Variants in SUGCT observed in about 807,000 individuals in gnomAD.
SUGCT encodes the protein succinyl-CoA:glutarate CoA-transferase.
Under a neutral mutation model 55.0 loss-of-function variants are expected in SUGCT, and 41 were observed. The ratio of observed to expected loss-of-function variants is 0.74; its 90% confidence interval spans 0.58 to 0.97. The LOEUF (loss-of-function observed/expected upper bound fraction) is 0.97. Ranked by LOEUF, SUGCT falls within the 50% of genes least tolerant of loss-of-function variation. SUGCT has a pLI of 0.00. For synonymous variants in SUGCT, 187 were observed against 200.4 expected, an observed-to-expected ratio of 0.93 and a Z score of 0.56; for missense variants, 568 against 547.8, an observed-to-expected ratio of 1.04 and a Z score of -0.37.
At chr7:40,432,356 T>G (rs1787935379) in intron 9 of SUGCT, among the ~76,000 whole-genome samples, 1 of 152,166 alleles carries the variant, frequency 6.6e-6, no homozygotes, top group African/African-American at 2.4e-5. Context: ...ATAGAGACTC[T>G]TTTGTACATA....
intron 13 of SUGCT, among the ~76,000 whole-genome samples, chr7:40,772,567 G>A (rs1477236543): frequency 7.8e-5 from 10 of 128,942 alleles, no homozygotes; most frequent in South Asian, 2.4e-4. Flanking sequence ...TCTATCTGGT[G>A]TTATCTATCT....
chr7:40,819,416 C>G (rs568281470), intron 13 of SUGCT, among the ~76,000 whole-genome samples: 1 of 152,102 alleles, frequency 6.6e-6, no homozygotes, highest in African/African-American at 2.4e-5. Context: ...CTCTCCAGCA[C>G]CTGTTGTTTC....
At chr7:40,673,052 A>T (rs1013194995) in intron 12 of SUGCT, among the ~76,000 whole-genome samples, 3 of 152,162 alleles carry the variant, frequency 2.0e-5, no homozygotes, top group Admixed American at 2.0e-4. Context: ...ATTTACTTTT[A>T]AACCACAATA....
chr7:40,164,090 G>T, intron 1 of SUGCT, among the ~76,000 whole-genome samples: 1 of 151,088 alleles, frequency 6.6e-6, no homozygotes. Context: ...AAAGTCCTGG[G>T]ATTATAGGCG....
Position 40,536,998 on chromosome 7 carries a change from C to G in SUGCT, c.1089+40612C>G, listed in dbSNP as rs2151608014. ...GGCAGAGTGTTTCAGTTGTTAGTGACAAAGATCCAAAGTAAATTAAAGAGG... is the reference window on the plus strand; with the variant it reads ...GGCAGAGTGTTTCAGTTGTTAGTGAGAAAGATCCAAAGTAAATTAAAGAGG... On this transcript the variant is annotated intron_variant, in intron 12 of 13. Coordinates refer to ENST00000335693, the MANE Select transcript of SUGCT (RefSeq NM_001193313.2). 2.0e-5 allele frequency among the ~76,000 whole-genome samples: 3 copies of G among 152,082 alleles called. No individual in the cohort carries two copies. The East Asian group carries it at 5.8e-4, about 29-fold the overall frequency.
intron 9 of SUGCT, among the ~76,000 whole-genome samples, chr7:40,336,369 A>C (rs557323607): frequency 6.6e-6 from 1 of 152,170 alleles, no homozygotes; most frequent in African/African-American, 2.4e-5. Flanking sequence ...CTGTGAATCC[A>C]TCTAGTCCTG....
At chr7:40,894,479 A>C in the SUGCT span, among the ~76,000 whole-genome samples, 2 of 152,264 alleles carry the variant, frequency 1.3e-5, no homozygotes, top group Non-Finnish European at 2.9e-5. Context: ...GATCTAGTTA[A>C]ACTGAAGAAC....
In SUGCT at chr7:40,633,932, T is replaced by C. The variant is rs192227740; in HGVS notation, c.1090-115502T>C. Among the ~76,000 whole-genome samples, 242 of 152,356 alleles carry C rather than the reference T, an allele frequency of 1.6e-3. 1 individual carries two copies. Among genetic ancestry groups the C allele is most frequent in the African/African-American group, 5.6e-3 (234 of 41,580 alleles). ...AAATATATCATTTTATGCAATGATA[T>C]GCTTGTTTTACCTTCTTCTGTCCAT... On this transcript the variant is annotated intron_variant, in intron 12 of 13. Transcript: ENST00000335693.
At chr7:40,874,592 G>A in the SUGCT span, among the ~76,000 whole-genome samples, 5,154 of 152,212 alleles carry the variant, frequency 0.034, 184 homozygotes, top group Admixed American at 0.11. Context: ...ATTAGTTATA[G>A]ACATGTAGCA....
intron 6 of SUGCT, among the ~76,000 whole-genome samples, chr7:40,205,640 C>CAAA (rs67396482): frequency 1.5e-4 from 12 of 77,442 alleles, no homozygotes; most frequent in Admixed American, 4.8e-4. Context: ...AACTTCATCT[C>CAAA]AAAAAAAAAA....
At chr7:40,677,759 A>G (rs1233364950) in intron 12 of SUGCT, among the ~76,000 whole-genome samples, 2 of 152,244 alleles carry the variant, frequency 1.3e-5, no homozygotes, top group African/African-American at 4.8e-5. Context: ...ACGTTGGGTT[A>G]GTAGCTGTAT....
intron 6 of SUGCT, among the ~76,000 whole-genome samples, chr7:40,216,319 T>C (rs10232126): frequency 0.064 from 9,762 of 151,364 alleles, 979 homozygotes; most frequent in African/African-American, 0.22. Context: ...CTGGCCAACA[T>C]GGTGAAACCC....
intron 12 of SUGCT, among the ~76,000 whole-genome samples, chr7:40,681,314 T>C (rs930239273): frequency 3.3e-5 from 5 of 152,124 alleles, no homozygotes; most frequent in Non-Finnish European, 5.9e-5. Flanking sequence ...AAGGTTGAGC[T>C]AATCACCAGT....
intron 7 of SUGCT, among the ~76,000 whole-genome samples, chr7:40,255,017 G>A (rs1224352743): frequency 1.3e-5 from 2 of 150,672 alleles, no homozygotes; most frequent in Non-Finnish European, 1.5e-5. Context: ...ATCTGAGGTC[G>A]GGAGTTCGAG....
chr7:40,539,786 A>C (rs1034731380), intron 12 of SUGCT: 5 of 152,224 alleles, frequency 3.3e-5, no homozygotes, highest in African/African-American at 1.2e-4. Flanking sequence ...TGACATTTGG[A>C]ATTATGTTAA....
intron 11 of SUGCT, among the ~76,000 whole-genome samples, chr7:40,472,508 T>C (rs1332493503): frequency 6.6e-6 from 1 of 152,156 alleles, no homozygotes; most frequent in Non-Finnish European, 1.5e-5. Context: ...CATAGAATTA[T>C]AGGTAATTGT....
intron 13 of SUGCT, among the ~76,000 whole-genome samples, chr7:40,774,320 A>T (rs1789339977): frequency 6.6e-6 from 1 of 152,204 alleles, no homozygotes; most frequent in Non-Finnish European, 1.5e-5. Context: ...CAGCAGGCAA[A>T]ATGAAAACTG....
intron 13 of SUGCT, among the ~76,000 whole-genome samples, chr7:40,759,902 A>G (rs1788448583): frequency 6.6e-6 from 1 of 151,902 alleles, no homozygotes; most frequent in Admixed American, 6.6e-5. Context: ...AAGCAGCAGC[A>G]GCCATCAGAA....
chr7:40,200,530 A>G (rs187738212), intron 6 of SUGCT, among the ~76,000 whole-genome samples: 1 of 152,138 alleles, frequency 6.6e-6, no homozygotes, highest in East Asian at 1.9e-4. Flanking sequence ...AGAGAATACC[A>G]TGTGCAAAGG....
Sources: gnomAD v4.1 joint callset for allele counts (sites outside exome capture counted in the v4.1 genomes callset) on GRCh38, gnomAD v4.1.1 for gene constraint, MANE v1.5 for transcripts, NCBI Gene and HGNC (gene_info 2026-07-23, HGNC 2026-07-21) for gene names.